The following SYN3 variants were observed in gnomAD, a reference collection of about 807,000 sequenced individuals.
The protein encoded by SYN3 is synapsin-3.
A neutral mutation model predicts 65.8 loss-of-function variants in SYN3; 35 were observed. The observed-to-expected ratio is 0.53, with a 90% CI of 0.41 to 0.70. SYN3 has a LOEUF of 0.70. Among genes scored for constraint, SYN3 ranks in the 30% least tolerant of loss-of-function variants. The pLI is 0.00. For missense variants in SYN3, 680 were observed against 749.0 expected, an observed-to-expected ratio of 0.91 and a Z score of 1.08; for synonymous variants, 270 against 292.9, an observed-to-expected ratio of 0.92 and a Z score of 0.80.
intron 6 of SYN3, among the ~76,000 whole-genome samples, chr22:32,680,766 C>A (rs1434452339): frequency 4.6e-5 from 7 of 152,222 alleles, no homozygotes; most frequent in African/African-American, 1.7e-4. Context: ...TGGCATATTT[C>A]AAAGTCAACA....
chr22:32,914,517 C>G lies in SYN3; in HGVS notation c.461+16873G>C, dbSNP rs1167841449. On this transcript the variant is annotated intron_variant, in intron 4 of 13. Coordinates refer to ENST00000358763, the MANE Select transcript of SYN3 (RefSeq NM_003490.4). The stretch of plus-strand genomic sequence containing the variant: ...CAGTGGCACAATCTCGGCTCACTGC[C>G]AGCTCTGCCTCCCAGGTTCGTGCCA... 2.6e-5 allele frequency among the ~76,000 whole-genome samples: 4 copies of G among 151,258 alleles called. No individual in the cohort carries two copies. The South Asian group carries it at 6.3e-4, about 24-fold the overall frequency.
intron 4 of SYN3, among the ~76,000 whole-genome samples, chr22:32,908,143 T>TG (rs979771657): frequency 2.8e-4 from 43 of 151,988 alleles, no homozygotes; most frequent in Non-Finnish European, 5.2e-4. Context: ...TGGAGTGCAG[T>TG]GGCATGATCC....
At chr22:32,589,889 C>T (rs1329258586) in intron 7 of SYN3, among the ~76,000 whole-genome samples, 1 of 152,180 alleles carries the variant, frequency 6.6e-6, no homozygotes, top group Non-Finnish European at 1.5e-5. Flanking sequence ...GCCCAGAACA[C>T]CAGAATCTTC....
At chr22:32,868,665 G>A (rs2048755571) in intron 5 of SYN3, among the ~76,000 whole-genome samples, 3 of 151,934 alleles carry the variant, frequency 2.0e-5, no homozygotes, top group Admixed American at 2.0e-4. Flanking sequence ...CGGTCAGGCT[G>A]GTCTCGAACT....
At chr22:32,727,380 G>C (rs1349008233) in intron 6 of SYN3, among the ~76,000 whole-genome samples, 2 of 152,166 alleles carry the variant, frequency 1.3e-5, no homozygotes. Flanking sequence ...TCCTTATCCA[G>C]TCTACCATTG....
At chr22:32,807,399 A>ATATTAATATAATATATATT (rs130273) in intron 6 of SYN3, among the ~76,000 whole-genome samples, 1 of 118,362 alleles carries the variant, frequency 8.4e-6, no homozygotes, top group African/African-American at 3.3e-5. Context: ...TATATAATAT[A>ATATTAATATAATATATATT]TATATATTAT....
At chr22:32,661,419 C>A (rs963790653) in intron 6 of SYN3, among the ~76,000 whole-genome samples, 1 of 152,260 alleles carries the variant, frequency 6.6e-6, no homozygotes, top group Non-Finnish European at 1.5e-5. Flanking sequence ...GATGGCCTGG[C>A]GGCCCGCCGT....
intron 2 of SYN3, among the ~76,000 whole-genome samples, chr22:32,995,183 TA>T (rs2052842706): frequency 6.6e-6 from 1 of 152,116 alleles, no homozygotes; most frequent in South Asian, 2.1e-4. Context: ...ATGGGGTCAA[TA>T]GGGGGATCTG....
At chr22:32,808,288 C>T (rs903620711) in intron 6 of SYN3, among the ~76,000 whole-genome samples, 5 of 152,224 alleles carry the variant, frequency 3.3e-5, no homozygotes, top group South Asian at 4.1e-4. Flanking sequence ...CAAAGCTGTC[C>T]GCTGGCCAGG....
chr22:32,599,424 C>T (rs950384341), intron 6 of SYN3, among the ~76,000 whole-genome samples: 2 of 151,944 alleles, frequency 1.3e-5, no homozygotes, highest in African/African-American at 4.8e-5. Flanking sequence ...CGGGTTCACA[C>T]CATTCTCCTG....
In SYN3 at chr22:32,528,884, A is replaced by AG. The variant is rs1437807279; in HGVS notation, c.1219dup (p.Leu407ProfsTer9). 4 of 1,614,052 alleles carry AG rather than the reference A, an allele frequency of 2.5e-6. No homozygotes were observed. The highest frequency in any genetic ancestry group is 2.5e-6 in the Non-Finnish European group (3 of 1,180,004). On this transcript the variant is annotated frameshift_variant, in exon 11 of 14. Coordinates refer to ENST00000358763, the MANE Select transcript of SYN3 (RefSeq NM_003490.4). LOFTEE classifies it high-confidence loss of function. ...TCGTGAGGGTCTTACCCAAGGTCTG[A>AG]GGGGGGAGGGCGCTGTGCCTCCTGG...
At chr22:33,023,239 AT>A (rs1472149609) in intron 1 of SYN3, among the ~76,000 whole-genome samples, 1 of 152,102 alleles carries the variant, frequency 6.6e-6, no homozygotes, top group Non-Finnish European at 1.5e-5. Context: ...GAAAATCCCC[AT>A]GTGTCATGGG....
At chr22:32,823,273 A>T (rs2047306245) in intron 6 of SYN3, among the ~76,000 whole-genome samples, 1 of 152,120 alleles carries the variant, frequency 6.6e-6, no homozygotes, top group South Asian at 2.1e-4. Flanking sequence ...GATTGCTCTT[A>T]CGGACCTGAC....
At position 32,849,462 on chromosome 22, in the gene SYN3, C is replaced by G. The variant is rs113979605; in HGVS notation, c.711+15453G>C. On this transcript the variant is annotated intron_variant, in intron 6 of 13. Transcript: ENST00000358763. ...CTTCTGTCTCTGCAGTGATCCGGGC[C>G]AAGGTGGTGGGGAAGAAGCTGGTAA... 1.7e-5 allele frequency: 28 copies of G among 1,613,656 alleles called. 1 individual carries two copies. The highest frequency in any genetic ancestry group is 1.6e-4 in the African/African-American group (12 of 75,000).
chr22:32,662,988 C>G (rs931672790), intron 6 of SYN3, among the ~76,000 whole-genome samples: 4 of 152,138 alleles, frequency 2.6e-5, no homozygotes, highest in Non-Finnish European at 5.9e-5. Flanking sequence ...ATAATTTATA[C>G]TGAATATGAT....
intron 3 of SYN3, among the ~76,000 whole-genome samples, chr22:32,955,218 T>C (rs2051415863): frequency 6.6e-6 from 1 of 152,118 alleles, no homozygotes; most frequent in South Asian, 2.1e-4. Context: ...CCCAAATGCA[T>C]AGACCCTGCT....
intron 6 of SYN3, among the ~76,000 whole-genome samples, chr22:32,665,357 AG>A (rs130730): frequency 1 from 152,136 of 152,136 alleles, 76,068 homozygotes; most frequent in Non-Finnish European, 1. Flanking sequence ...CTGATGAGTG[AG>A]GAACATATGA....
chr22:32,968,098 C>T (rs1303782295), intron 3 of SYN3, among the ~76,000 whole-genome samples: 1 of 152,188 alleles, frequency 6.6e-6, no homozygotes, highest in East Asian at 1.9e-4. Context: ...CAATGGCTCG[C>T]TTTCAAGAAA....
intron 6 of SYN3, among the ~76,000 whole-genome samples, chr22:32,758,737 T>TA (rs2045369514): frequency 7.2e-6 from 1 of 138,542 alleles, no homozygotes; most frequent in Non-Finnish European, 1.6e-5. Flanking sequence ...GAACCCTGAC[T>TA]AACACACTGC....
Sources: gnomAD v4.1 joint callset for allele counts (sites outside exome capture counted in the v4.1 genomes callset) on GRCh38, gnomAD v4.1.1 for gene constraint, MANE v1.5 for transcripts, NCBI Gene and HGNC (gene_info 2026-07-23, HGNC 2026-07-21) for gene names.